Variants in HMCN1 observed in about 807,000 individuals in gnomAD.
HMCN1 encodes hemicentin-1.
Under a neutral mutation model 625.9 loss-of-function variants are expected in HMCN1, and 321 were observed. The ratio of observed to expected loss-of-function variants is 0.51; its 90% CI spans 0.47 to 0.56. HMCN1 has a LOEUF of 0.56. Among genes scored for constraint, HMCN1 ranks in the 20% least tolerant of loss-of-function variants. The probability of loss-of-function intolerance (pLI) is 0.00; values close to 1 mark genes in which losing one functional copy is unlikely to be tolerated. For synonymous variants in HMCN1, 2,425 were observed against 2,417.6 expected, an observed-to-expected ratio of 1.00 and a Z score of -0.09; for missense variants, 6,588 against 6,887.3, an observed-to-expected ratio of 0.96 and a Z score of 1.54.
chr1:186,138,905 C>A (rs1180928868), intron 89 of HMCN1, among the ~76,000 whole-genome samples: 1 of 152,176 alleles, frequency 6.6e-6, no homozygotes, highest in Admixed American at 6.6e-5. Context: ...TTCATTCATT[C>A]ATCCAACAAA....
At chr1:185,999,915 G>A (rs1653061600) in intron 25 of HMCN1, 130 bp from the exon 26 acceptor site, 1 of 638,174 alleles carries the variant, frequency 1.6e-6, no homozygotes, top group Non-Finnish European at 2.7e-6. Flanking sequence ...GAAATATCTT[G>A]AAGGTAGCAT....
chr1:185,940,907 G>C (rs1004036271), intron 11 of HMCN1, among the ~76,000 whole-genome samples: 1 of 152,186 alleles, frequency 6.6e-6, no homozygotes, highest in Non-Finnish European at 1.5e-5. Flanking sequence ...GGGATTACAG[G>C]CATGTGCCAC....
At chr1:185,969,447 G>GT (rs1650646203) in intron 14 of HMCN1, among the ~76,000 whole-genome samples, 1 of 152,268 alleles carries the variant, frequency 6.6e-6, no homozygotes, top group Non-Finnish European at 1.5e-5. Flanking sequence ...CCCCGAGTCT[G>GT]TTGGCTGTTG....
chr1:186,107,247 G>C (rs1202501539), intron 70 of HMCN1, among the ~76,000 whole-genome samples: 1 of 152,014 alleles, frequency 6.6e-6, no homozygotes, highest in African/African-American at 2.4e-5. Context: ...CACCACGCCC[G>C]GCTAATTTTT....
At chr1:186,066,496 T>A (rs1658122755) in intron 49 of HMCN1, among the ~76,000 whole-genome samples, 1 of 152,146 alleles carries the variant, frequency 6.6e-6, no homozygotes, top group South Asian at 2.1e-4. Context: ...ACTTACACCC[T>A]CGACCCTGTA....
Position 186,023,166 on chromosome 1 carries a change from C to T in HMCN1, c.5749+13C>T. On this transcript the variant is annotated intron_variant, in intron 36 of 106. Coordinates refer to ENST00000271588, the MANE Select transcript of HMCN1 (RefSeq NM_031935.3). ...CTGCATGTTCATGGTAATGTAATTT[C>T]TACACCTTAACAAAAGAATATTTGT... 1 of 1,609,982 alleles carries T rather than the reference C, an allele frequency of 6.2e-7. No individual in the cohort carries two copies. Among genetic ancestry groups the T allele is most frequent in the Non-Finnish European group, 8.5e-7 (1 of 1,176,794 alleles).
At chr1:186,116,193 G>A (rs1661126719) in intron 75 of HMCN1, among the ~76,000 whole-genome samples, 2 of 152,082 alleles carry the variant, frequency 1.3e-5, no homozygotes, top group South Asian at 2.1e-4. Context: ...AGTATACACT[G>A]TATGGAAAAT....
At chr1:185,913,801 T>G (rs1467833637) in intron 6 of HMCN1, among the ~76,000 whole-genome samples, 1 of 152,198 alleles carries the variant, frequency 6.6e-6, no homozygotes, top group Non-Finnish European at 1.5e-5. Flanking sequence ...AAACATTTAC[T>G]GACTGCTCTT....
intron 69 of HMCN1, among the ~76,000 whole-genome samples, chr1:186,105,713 G>T (rs1234029511): frequency 2.0e-5 from 3 of 152,120 alleles, no homozygotes; most frequent in East Asian, 3.9e-4. Flanking sequence ...CTAACTACAG[G>T]TGATGTCTGT....
At position 185,866,019 on chromosome 1, in the gene HMCN1, A is replaced by T. The variant is rs186700588; in HGVS notation, c.621+156A>T. On this transcript the variant is annotated intron_variant, in intron 4 of 106. Coordinates refer to ENST00000271588, the MANE Select transcript of HMCN1 (RefSeq NM_031935.3). ...AATAAAGGCATTGAATAATGTGAAG[A>T]AATATAGGTATATTTATTTAATGTT... is the stretch of plus-strand genomic sequence containing the variant. Among the ~76,000 whole-genome samples, 193 of 152,302 alleles carry T rather than the reference A, an allele frequency of 1.3e-3. 1 individual carries two copies. The highest frequency in any genetic ancestry group is 1.7e-3 in the African/African-American group (72 of 41,562).
intron 1 of HMCN1, 64 bp from the exon 2 acceptor site, chr1:185,845,962 C>A: frequency 9.7e-7 from 1 of 1,028,304 alleles, no homozygotes; most frequent in Non-Finnish European, 1.5e-6. Context: ...CATCTATAAA[C>A]ACAAGAAAGT....
At position 186,057,288 on chromosome 1, in the gene HMCN1, A is replaced by G. The variant is rs775853029; in HGVS notation, c.7199A>G (p.Glu2400Gly). 3 of 1,611,106 alleles carry G rather than the reference A, an allele frequency of 1.9e-6. No homozygotes were observed. Among genetic ancestry groups the G allele is most frequent in the Non-Finnish European group, 2.5e-6 (3 of 1,177,740 alleles). ...TCACCTGAAAATATTAGTGTGGTAGAAAAGAACTCAGTATCTTTGACTTGT... is the reference window on the plus strand; with the variant it reads ...TCACCTGAAAATATTAGTGTGGTAGGAAAGAACTCAGTATCTTTGACTTGT... ...HRSPENISVV[E>G]KNSVSLTCEA... Residue 2400 changes from glutamate (E) to glycine (G), a missense_variant, in exon 46 of 107, where the codon GAA becomes GGA. By Grantham distance (98) the Glu-to-Gly change is moderately conservative. Transcript: ENST00000271588.
At chr1:185,998,682 C>A (rs1344673056) in intron 25 of HMCN1, among the ~76,000 whole-genome samples, 1 of 152,070 alleles carries the variant, frequency 6.6e-6, no homozygotes, top group African/African-American at 2.4e-5. Context: ...TTCCTTACTT[C>A]CTCATTTTCA....
At chr1:185,949,643 G>A (rs1211574387) in intron 11 of HMCN1, among the ~76,000 whole-genome samples, 2 of 151,920 alleles carry the variant, frequency 1.3e-5, no homozygotes, top group African/African-American at 4.9e-5. Flanking sequence ...CTGTATTGAG[G>A]TGGGAAGGCT....
chr1:186,145,236 C>T (rs1032567271), intron 91 of HMCN1, among the ~76,000 whole-genome samples, 167 bp from the exon 92 acceptor site: 28 of 152,324 alleles, frequency 1.8e-4, no homozygotes, highest in African/African-American at 6.7e-4. Flanking sequence ...TAGTCAAAAC[C>T]GAAGCTAAAC....
intron 11 of HMCN1, among the ~76,000 whole-genome samples, chr1:185,960,581 A>G (rs1202503800): frequency 6.6e-6 from 1 of 152,176 alleles, no homozygotes; most frequent in Non-Finnish European, 1.5e-5. Context: ...AGCTCTCTGC[A>G]TCCTGGTTTG....
In HMCN1 at chr1:186,103,671, A is replaced by T. The variant is rs773331038; in HGVS notation, c.10770+3A>T. On this transcript the variant is annotated splice_donor_region_variant and intron_variant, in intron 69 of 106. Coordinates refer to ENST00000271588, the MANE Select transcript of HMCN1 (RefSeq NM_031935.3). ...TTCTTCGAATTTCTACTGCTCAGGT[A>T]AGTGTCAAAGTTCATAGAATTATTT... is the stretch of plus-strand genomic sequence containing the variant. The T allele has an allele frequency of 6.2e-7, 1 of 1,612,306 alleles. No individual in the cohort carries two copies.
chr1:185,736,641 C>T (rs902339622), intron 1 of HMCN1, among the ~76,000 whole-genome samples: 35 of 152,264 alleles, frequency 2.3e-4, no homozygotes, highest in Admixed American at 2.1e-3. Flanking sequence ...TACATGGATA[C>T]CGGACTATCC....
At chr1:185,779,195 T>C (rs914289288) in intron 1 of HMCN1, among the ~76,000 whole-genome samples, 4 of 152,182 alleles carry the variant, frequency 2.6e-5, no homozygotes, top group Non-Finnish European at 5.9e-5. Flanking sequence ...GTGGGGTTGT[T>C]TGTTTTTTTC....
Sources: allele counts gnomAD v4.1 joint callset (sites outside exome capture counted in the v4.1 genomes callset), GRCh38; gene constraint gnomAD v4.1.1; transcripts MANE v1.5; gene names NCBI Gene and HGNC (gene_info 2026-07-23, HGNC 2026-07-21).